The following SASH1 variants were observed in gnomAD, a reference collection of about 807,000 sequenced individuals.
SASH1 encodes the protein SAM and SH3 domain-containing protein 1.
Under a neutral mutation model 125.2 loss-of-function variants are expected in SASH1, and 44 were observed. The observed-to-expected ratio is 0.35, with a 90% CI of 0.28 to 0.45. SASH1 has a LOEUF of 0.45. Ranked by LOEUF, SASH1 falls within the 20% of genes least tolerant of loss-of-function variation. The pLI is 1.00. For missense variants in SASH1, 1,426 were observed against 1,614.5 expected, an observed-to-expected ratio of 0.88 and a Z score of 2.00; for synonymous variants, 639 against 649.1, an observed-to-expected ratio of 0.98 and a Z score of 0.24.
intron 8 of SASH1, 132 bp from the exon 9 acceptor site, chr6:148,514,192 T>G (rs1453223180): frequency 6.8e-7 from 1 of 1,460,628 alleles, no homozygotes; most frequent in Admixed American, 2.7e-5. Flanking sequence ...CTTGGGCAAA[T>G]TTTTGTTGGT....
intron 2 of SASH1, among the ~76,000 whole-genome samples, chr6:148,396,022 A>G (rs1453837624): frequency 6.6e-6 from 1 of 152,158 alleles, no homozygotes; most frequent in Non-Finnish European, 1.5e-5. Flanking sequence ...TGATGATGAC[A>G]TACTCATCAG....
chr6:148,199,810 AAGAG>A, the SASH1 span, among the ~76,000 whole-genome samples: 91 of 151,840 alleles, frequency 6.0e-4, no homozygotes, highest in Middle Eastern at 6.8e-3. Context: ...GAGAAAGAAA[AAGAG>A]AGAGAGAAGG....
chr6:148,538,472 T>C (rs1489101560), intron 16 of SASH1, among the ~76,000 whole-genome samples: 1 of 152,212 alleles, frequency 6.6e-6, no homozygotes, highest in African/African-American at 2.4e-5. Flanking sequence ...TTCCACACAG[T>C]GAGGACACCG....
chr6:148,299,741 C>G (rs766543513), intron 1 of SASH1, among the ~76,000 whole-genome samples: 3 of 150,658 alleles, frequency 2.0e-5, no homozygotes, highest in Admixed American at 1.3e-4. Flanking sequence ...ACATAAGAAG[C>G]CTTTAAGTAT....
intron 4 of SASH1, among the ~76,000 whole-genome samples, chr6:148,459,411 A>T (rs1273182718): frequency 1.3e-5 from 2 of 152,186 alleles, no homozygotes; most frequent in African/African-American, 2.4e-5. Flanking sequence ...CTGTGGAGAG[A>T]TGGCATTTGG....
chr6:148,471,980 T>A (rs1778142689), intron 6 of SASH1, among the ~76,000 whole-genome samples: 1 of 152,212 alleles, frequency 6.6e-6, no homozygotes, highest in Non-Finnish European at 1.5e-5. Flanking sequence ...TCTGACATCA[T>A]GGGAATTTGC....
At chr6:148,208,975 G>C in the SASH1 span, among the ~76,000 whole-genome samples, 1 of 152,112 alleles carries the variant, frequency 6.6e-6, no homozygotes, top group Non-Finnish European at 1.5e-5. Flanking sequence ...GCCTTTTTCT[G>C]CTGGGCATCG....
chr6:148,469,448 T>C lies in SASH1; in HGVS notation c.427+863T>C, dbSNP rs541665268. ...ATAGCTTATAGTCAAAGAAATATATTGTCAGCCTGTGCAGTGGCTCACTTC... is the reference window on the plus strand; with the variant it reads ...ATAGCTTATAGTCAAAGAAATATATCGTCAGCCTGTGCAGTGGCTCACTTC... On this transcript the variant is annotated intron_variant, in intron 5 of 19. Transcript: ENST00000367467. Among the ~76,000 whole-genome samples the C allele has an allele frequency of 3.3e-5, 5 of 152,296 alleles. No individual in the cohort carries two copies. The South Asian group carries it at 1.0e-3, about 32-fold the overall frequency.
intron 8 of SASH1, among the ~76,000 whole-genome samples, chr6:148,497,725 T>C (rs1321298972): frequency 6.6e-6 from 1 of 152,258 alleles, no homozygotes; most frequent in Non-Finnish European, 1.5e-5. Flanking sequence ...AATGTAAAAG[T>C]GCATACTTGG....
the SASH1 span, among the ~76,000 whole-genome samples, chr6:148,223,780 A>G: frequency 2.0e-5 from 3 of 152,230 alleles, no homozygotes; most frequent in Non-Finnish European, 4.4e-5. Context: ...AAGAAATGAC[A>G]TAAAATGCTG....
At chr6:148,449,416 T>G (rs924632648) in intron 4 of SASH1, among the ~76,000 whole-genome samples, 10 of 146,072 alleles carry the variant, frequency 6.8e-5, no homozygotes, top group African/African-American at 2.3e-4. Flanking sequence ...AGACGTAGTT[T>G]CGCTCTTGTT....
intron 2 of SASH1, among the ~76,000 whole-genome samples, chr6:148,425,718 CTCTCCCT>C (rs1775787329): frequency 8.4e-6 from 1 of 118,704 alleles, no homozygotes; most frequent in Non-Finnish European, 1.9e-5. Flanking sequence ...TCCCATCCCC[CTCTCCCT>C]TCCCCTCCCC....
intron 16 of SASH1, among the ~76,000 whole-genome samples, chr6:148,535,301 A>G (rs992953589): frequency 3.3e-5 from 5 of 152,182 alleles, no homozygotes; most frequent in Non-Finnish European, 7.3e-5. Context: ...ATGGAATTAC[A>G]GTTTTCCCAA....
chr6:148,512,177 C>A (rs1275195235), intron 8 of SASH1, among the ~76,000 whole-genome samples: 1 of 152,084 alleles, frequency 6.6e-6, no homozygotes, highest in African/African-American at 2.4e-5. Context: ...CGCCACCACG[C>A]CCAGCTAATT....
At chr6:148,459,019 C>CA (rs1777491145) in intron 4 of SASH1, among the ~76,000 whole-genome samples, 1 of 149,700 alleles carries the variant, frequency 6.7e-6, no homozygotes, top group South Asian at 2.1e-4. Flanking sequence ...CACACACACA[C>CA]ACACCCTCTA....
intron 8 of SASH1, among the ~76,000 whole-genome samples, chr6:148,509,903 A>T (rs1164774385): frequency 1.3e-5 from 2 of 152,186 alleles, no homozygotes; most frequent in Admixed American, 1.3e-4. Flanking sequence ...CAGATGTGTC[A>T]AGGATGCACT....
At chr6:148,251,766 C>T in the SASH1 span, among the ~76,000 whole-genome samples, 1 of 151,622 alleles carries the variant, frequency 6.6e-6, no homozygotes, top group Non-Finnish European at 1.5e-5. Flanking sequence ...ATGTGCCATA[C>T]TAGTGTGCTG....
chr6:148,466,647 G>A (rs1168045687), intron 4 of SASH1, among the ~76,000 whole-genome samples: 1 of 152,042 alleles, frequency 6.6e-6, no homozygotes, highest in Non-Finnish European at 1.5e-5. Flanking sequence ...CTACAACCTC[G>A]GACTCCTGGG....
chr6:148,244,233 C>T, the SASH1 span, among the ~76,000 whole-genome samples: 3 of 152,172 alleles, frequency 2.0e-5, no homozygotes, highest in African/African-American at 4.8e-5. Context: ...AGGCAGGACC[C>T]GAAAGTATGC....
Sources: gnomAD v4.1 joint callset for allele counts (sites outside exome capture counted in the v4.1 genomes callset) on GRCh38, gnomAD v4.1.1 for gene constraint, MANE v1.5 for transcripts, NCBI Gene and HGNC (gene_info 2026-07-23, HGNC 2026-07-21) for gene names.